SCD: variants seen among roughly 807,000 people sequenced by gnomAD.
SCD encodes the protein acyl-CoA desaturase.
SCD carries 4 observed loss-of-function variants against 35.7 expected under a neutral mutation model. That is an observed-to-expected ratio of 0.11 (90% CI 0.06 to 0.26). The LOEUF (loss-of-function observed/expected upper bound fraction) is 0.26. SCD is among the 10% of genes least tolerant of loss of function. The probability of loss-of-function intolerance (pLI) is 1.00; values close to 1 mark genes in which losing one functional copy is unlikely to be tolerated. For missense variants in SCD, 282 were observed against 460.7 expected, an observed-to-expected ratio of 0.61 and a Z score of 3.55; for synonymous variants, 150 against 170.2, an observed-to-expected ratio of 0.88 and a Z score of 0.92.
chr10:100,347,554 G>T (rs759621073), intron 1 of SCD, 23 bp downstream of exon 1: 7 of 1,613,038 alleles, frequency 4.3e-6, no homozygotes, highest in Admixed American at 1.7e-5. Context: ...GCCTGGCCCC[G>T]TACCGCCGGG....
At position 100,352,343 on chromosome 10, in the gene SCD, C is replaced by T. The variant is rs200519316; in HGVS notation, c.311-23C>T. On this transcript the variant is annotated intron_variant, in intron 2 of 5. Coordinates refer to ENST00000370355, the MANE Select transcript of SCD (RefSeq NM_005063.5). The surrounding 1 kb of genome is among the most constrained non-coding windows in gnomAD (Gnocchi z 4.2). ...ATGGAACTCACACTGATTGGTGACT[C>T]CCCCACTGTCTTCTCCTGGCAGGGG... 3 of 1,610,856 alleles carry T rather than the reference C, an allele frequency of 1.9e-6. No individual in the cohort carries two copies. Among genetic ancestry groups the T allele is most frequent in the Non-Finnish European group, 2.5e-6 (3 of 1,178,922 alleles).
intron 5 of SCD, among the ~76,000 whole-genome samples, chr10:100,357,684 CAG>C (rs1478158741): frequency 2.6e-5 from 4 of 152,012 alleles, no homozygotes. Context: ...TCTAATGAGA[CAG>C]GGTCTCACCA....
chr10:100,353,056 G>T (rs1202611600), intron 3 of SCD, among the ~76,000 whole-genome samples: 1 of 152,118 alleles, frequency 6.6e-6, no homozygotes. Context: ...TCCCAGACTC[G>T]TGAACTCTTA....
At position 100,352,550 on chromosome 10, in the gene SCD, G is replaced by GGACAGAAA; in HGVS notation, c.441+56_441+63dup. ...GTCCTCCACACTATTAATGATCCGG[G>GGACAGAAA]GACAGAAAGGAGGGATCAGCACCAG... On this transcript the variant is annotated intron_variant, in intron 3 of 5. Coordinates refer to ENST00000370355, the MANE Select transcript of SCD (RefSeq NM_005063.5). The surrounding 1 kb of genome is among the most constrained non-coding windows in gnomAD (Gnocchi z 4.2). The GGACAGAAA allele has an allele frequency of 6.4e-7, 1 of 1,566,144 alleles. No homozygotes were observed. The highest frequency in any genetic ancestry group is 8.7e-7 in the Non-Finnish European group (1 of 1,146,110).
At chr10:100,355,364 C>G (rs1849917521) in intron 4 of SCD, among the ~76,000 whole-genome samples, 1 of 152,124 alleles carries the variant, frequency 6.6e-6, no homozygotes, top group African/African-American at 2.4e-5. Context: ...TGGGGAGAGA[C>G]AGTGCAAACA....
intron 2 of SCD, among the ~76,000 whole-genome samples, chr10:100,350,209 G>A (rs1235984682): frequency 6.6e-6 from 1 of 152,020 alleles, no homozygotes; most frequent in Non-Finnish European, 1.5e-5. Context: ...CCATGTCGAT[G>A]TGGGGATATC....
intron 2 of SCD, among the ~76,000 whole-genome samples, chr10:100,350,642 C>G (rs1849861171): frequency 1.3e-5 from 2 of 152,170 alleles, no homozygotes; most frequent in Admixed American, 1.3e-4. Context: ...CTAGAAAAGG[C>G]ACCAGAGTGC....
intron 1 of SCD, 118 bp from the exon 2 acceptor site, chr10:100,347,946 C>T: frequency 9.9e-7 from 1 of 1,012,404 alleles, no homozygotes; most frequent in Non-Finnish European, 1.5e-6. Context: ...CAGTGAACTA[C>T]GGCGCTGCGG....
rs1316329352 is a variant in SCD at position 100,352,982 on chromosome 10, T to TA, written c.441+486_441+487insA. 8.7e-5 allele frequency among the ~76,000 whole-genome samples: 8 copies of TA among 91,524 alleles called. No homozygotes were observed. The highest frequency in any genetic ancestry group is 5.8e-4 in the African/African-American group (8 of 13,860). 60.0% of individuals were successfully genotyped at this position (91,524 alleles called of 152,430 possible). A position where few individuals can be genotyped will look rare whatever the true frequency, so the allele number is the denominator to read the frequency against. On this transcript the variant is annotated intron_variant, in intron 3 of 5. Transcript: ENST00000370355. This position sits in a 1 kb window ranked among gnomAD's most constrained non-coding sequence, Gnocchi z 4.2. ...CAGCCTGGGTGACAAGACCCCAACT[T>TA]TAAAAAAAAAATTTCAAAAGTGAAT... is the stretch of plus-strand genomic sequence containing the variant.
intron 4 of SCD, among the ~76,000 whole-genome samples, chr10:100,355,204 T>A (rs534264860): frequency 1.3e-4 from 20 of 152,250 alleles, no homozygotes; most frequent in African/African-American, 4.8e-4. Flanking sequence ...AAGCCAAGTA[T>A]CCAGATAACC....
chr10:100,359,380 T>TG (rs1849965925), intron 5 of SCD, among the ~76,000 whole-genome samples: 2 of 152,190 alleles, frequency 1.3e-5, no homozygotes, highest in Admixed American at 1.3e-4. Context: ...GGCTGTCTCT[T>TG]GCTGCCCCAG....
chr10:100,352,617 T>A lies in SCD; in HGVS notation c.441+121T>A, dbSNP rs1224567937. Reference sequence around the variant, plus strand: ...ACAGCCATTTCACTTTCCTCTCTCCTGTAGTCACCTCAAGTTCCAGTTCAG... The same window carrying A: ...ACAGCCATTTCACTTTCCTCTCTCCAGTAGTCACCTCAAGTTCCAGTTCAG... On this transcript the variant is annotated intron_variant, in intron 3 of 5. Transcript: ENST00000370355. The surrounding 1 kb of genome is among the most constrained non-coding windows in gnomAD (Gnocchi z 4.2). The A allele has an allele frequency of 2.2e-6, 2 of 913,452 alleles. No individual in the cohort carries two copies. The highest frequency in any genetic ancestry group is 3.4e-6 in the Non-Finnish European group (2 of 586,872). 56.6% of individuals were successfully genotyped at this position (913,452 alleles called of 1,614,324 possible). A position where few individuals can be genotyped will look rare whatever the true frequency, so the allele number is the denominator to read the frequency against.
In SCD at chr10:100,363,678, C is replaced by T. The variant is rs1440288134; in HGVS notation, c.*2745C>T. On this transcript the variant is annotated 3_prime_UTR_variant, in exon 6 of 6. Coordinates refer to ENST00000370355, the MANE Select transcript of SCD (RefSeq NM_005063.5). ...CCCTACATAAGGCTGGATGGCACCTCAGGCTGAGGGCCCCAATGTATGTGT... is the reference window on the plus strand; with the variant it reads ...CCCTACATAAGGCTGGATGGCACCTTAGGCTGAGGGCCCCAATGTATGTGT... The T allele has an allele frequency of 6.6e-6, 1 of 152,506 alleles. No individual in the cohort carries two copies. The highest frequency in any genetic ancestry group is 1.5e-5 in the Non-Finnish European group (1 of 68,092). 9.4% of individuals were successfully genotyped at this position (152,506 alleles called of 1,614,324 possible). A position where few individuals can be genotyped will look rare whatever the true frequency, so the allele number is the denominator to read the frequency against.
At position 100,347,405 on chromosome 10, in the gene SCD, G is replaced by A. The variant is rs11812482; in HGVS notation, c.-100G>A. 4,239 of 1,330,026 alleles carry A rather than the reference G, an allele frequency of 3.2e-3. 90 individuals are homozygous for A. In the African/African-American group the frequency reaches 0.05, roughly 16 times the overall value. 82.4% of individuals were successfully genotyped at this position (1,330,026 alleles called of 1,614,324 possible). On this transcript the variant is annotated 5_prime_UTR_variant, in exon 1 of 6. Transcript: ENST00000370355. ...AGCGTGCAAGGCGCCGCGGCTCAGC[G>A]CGTACCGGCGGGCTTCGAAACCGCA...
chr10:100,353,453 C>T (rs952007936), intron 3 of SCD, among the ~76,000 whole-genome samples: 1 of 151,990 alleles, frequency 6.6e-6, no homozygotes, highest in East Asian at 1.9e-4. Context: ...GGCGTGGTGG[C>T]GGGCACCTGT....
rs776644513 is a variant in SCD, at chr10:100,348,055, C to G, written c.28-9C>G. ...CTTCTCCTGACTCTCCTCTTCCTCC[C>G]CCTTCCAGATCTCTAGCTCCTATAC... On this transcript the variant is annotated splice_polypyrimidine_tract_variant and intron_variant, in intron 1 of 5. Coordinates refer to ENST00000370355, the MANE Select transcript of SCD (RefSeq NM_005063.5). 6.2e-7 allele frequency: 1 copy of G among 1,612,078 alleles called. No homozygotes were observed. Among genetic ancestry groups the G allele is most frequent in the Non-Finnish European group, 8.5e-7 (1 of 1,178,976 alleles).
At chr10:100,357,852 C>G (rs187936340) in intron 5 of SCD, among the ~76,000 whole-genome samples, 26 of 152,236 alleles carry the variant, frequency 1.7e-4, no homozygotes, top group Admixed American at 5.9e-4. Flanking sequence ...CTGGCGACCT[C>G]TTCTTTCCAG....
rs1850017702 is a variant in SCD, at chr10:100,364,144, A to G, written c.*3211A>G. ...TTTTTTTTTTTTTTTGGGTTAAAAGATGGTTGTAGCATTTAAAATGGAAAA... is the reference window on the plus strand; with the variant it reads ...TTTTTTTTTTTTTTTGGGTTAAAAGGTGGTTGTAGCATTTAAAATGGAAAA... On this transcript the variant is annotated 3_prime_UTR_variant, in exon 6 of 6. Coordinates refer to ENST00000370355, the MANE Select transcript of SCD (RefSeq NM_005063.5). The G allele has an allele frequency of 6.7e-6, 1 of 148,280 alleles. No homozygotes were observed. The highest frequency in any genetic ancestry group is 6.7e-5 in the Admixed American group (1 of 14,930). The allele number at this position is 148,280 out of a possible 1,614,324, so 9.2% of individuals were successfully genotyped here. A position where few individuals can be genotyped will look rare whatever the true frequency, so the allele number is the denominator to read the frequency against.
chr10:100,348,241 G>T lies in SCD; in HGVS notation c.205G>T (p.Val69Phe). 6.2e-7 allele frequency: 1 copy of T among 1,614,126 alleles called. No individual in the cohort carries two copies. The change falls in exon 2 of 6, where the codon GTT becomes TTT. Residue 69 changes from valine to phenylalanine, a missense_variant. Coordinates refer to ENST00000370355, the MANE Select transcript of SCD (RefSeq NM_005063.5). ...GGATAAGGAAGGCCCAAGCCCCAAG[G>T]TTGAATATGTCTGGAGAAACATCAT... is the stretch of plus-strand genomic sequence containing the variant. ...YKDKEGPSPK[V>F]EYVWRNIILM...
Sources: gnomAD v4.1 joint callset for allele counts (sites outside exome capture counted in the v4.1 genomes callset) on GRCh38, gnomAD v4.1.1 for gene constraint, Gnocchi (gnomAD v3.1) non-coding constraint, MANE v1.5 for transcripts, NCBI Gene and HGNC (gene_info 2026-07-23, HGNC 2026-07-21) for gene names.